ANKS3: variants seen among roughly 807,000 people sequenced by gnomAD.
ANKS3 encodes ankyrin repeat and SAM domain-containing protein 3.
Under a neutral mutation model 80.7 loss-of-function variants are expected in ANKS3, and 62 were observed. The observed-to-expected ratio is 0.77, with a 90% CI of 0.63 to 0.95. The LOEUF is 0.95. Among genes scored for constraint, ANKS3 ranks in the 40% least tolerant of loss-of-function variants. The pLI, the probability that ANKS3 is intolerant of heterozygous loss-of-function variation, is 0.00. For synonymous variants in ANKS3, 489 were observed against 355.3 expected (o/e 1.38, Z -4.23); for missense variants, 1,150 against 883.6 (o/e 1.30, Z -3.82).
intron 4 of ANKS3, 78 bp downstream of exon 4, chr16:4,726,901 C>A (rs2081382609): frequency 1.2e-6 from 2 of 1,604,594 alleles, no homozygotes; most frequent in Non-Finnish European, 1.7e-6. Flanking sequence ...AACACCGTGG[C>A]CTGCAGTGGT....
intron 1 of ANKS3, among the ~76,000 whole-genome samples, 151 bp downstream of exon 1, chr16:4,733,787 C>G (rs541558706): frequency 6.6e-6 from 1 of 152,236 alleles, no homozygotes; most frequent in South Asian, 2.1e-4. Flanking sequence ...TTTTAAAAAT[C>G]TTAACAAATG....
intron 7 of ANKS3, 72 bp from the exon 8 acceptor site, chr16:4,705,325 G>C: frequency 6.5e-7 from 1 of 1,535,316 alleles, no homozygotes; most frequent in Non-Finnish European, 8.9e-7. Flanking sequence ...ACGGCAAACT[G>C]AAAGAAAGTG....
chr16:4,714,106 C>T lies in ANKS3; in HGVS notation c.654G>A (p.Val218=). ...LAKQYGHMKI[V]ALMDTYSPSL... Reference sequence around the variant, plus strand: ...AGGGCGAGTAAGTGTCCATCAAGGCCACGATCTTCATGTGTCCGTACTGCT... The same window carrying T: ...AGGGCGAGTAAGTGTCCATCAAGGCTACGATCTTCATGTGTCCGTACTGCT... Residue 218 remains valine, a synonymous_variant, in exon 7 of 18, where the codon GTG becomes GTA. Coordinates refer to ENST00000304283, the MANE Select transcript of ANKS3 (RefSeq NM_133450.4). 1 of 1,614,188 alleles carries T rather than the reference C, an allele frequency of 6.2e-7. No individual in the cohort carries two copies. The highest frequency in any genetic ancestry group is 8.5e-7 in the Non-Finnish European group (1 of 1,180,044).
Position 4,733,922 on chromosome 16 carries a change from C to CA in ANKS3, c.-71+15dup. On this transcript the variant is annotated intron_variant, in intron 1 of 17. Transcript: ENST00000304283. Reference sequence around the variant, plus strand: ...GGCCCCGGGGCGGGTCCCTGGCCGACAAACCCGTAACTCACAGCAGTGACG... The same window carrying CA: ...GGCCCCGGGGCGGGTCCCTGGCCGACAAAACCCGTAACTCACAGCAGTGACG... 1.0e-6 allele frequency: 1 copy of CA among 985,500 alleles called. No homozygotes were observed. The highest frequency in any genetic ancestry group is 1.2e-6 in the Non-Finnish European group (1 of 829,976). 61.0% of individuals were successfully genotyped at this position (985,500 alleles called of 1,614,324 possible). A position where few individuals can be genotyped will look rare whatever the true frequency, so the allele number is the denominator to read the frequency against.
At position 4,705,246 on chromosome 16, in the gene ANKS3, G is replaced by A. The variant is rs34023876; in HGVS notation, c.717C>T (p.Tyr239=). 4.4e-5 allele frequency: 71 copies of A among 1,613,672 alleles called. No individual in the cohort carries two copies. The South Asian group carries it at 5.2e-4, about 12-fold the overall frequency. ...ACTCGTCAGAAGAGCTCAGATCTTC[G>A]TACTTTTCTGTGATCAAACACCAAG... ...PKSLYRSPEK[Y]EDLSSSDESC... is the part of the protein sequence containing the mutation. Residue 239 remains tyrosine, a synonymous_variant, in exon 8 of 18, where the codon TAC becomes TAT. Transcript: ENST00000304283.
At chr16:4,728,401 G>A (rs917908319) in intron 3 of ANKS3, among the ~76,000 whole-genome samples, 2 of 152,148 alleles carry the variant, frequency 1.3e-5, no homozygotes, top group East Asian at 1.9e-4. Flanking sequence ...GCAGCCCTCA[G>A]TGACTCTGGG....
intron 1 of ANKS3, among the ~76,000 whole-genome samples, chr16:4,732,714 A>T (rs2081708857): frequency 6.6e-6 from 1 of 151,836 alleles, no homozygotes; most frequent in Non-Finnish European, 1.5e-5. Flanking sequence ...TAAAGTGAAA[A>T]CTAAAATGTC....
At chr16:4,715,540 G>A (rs1208266573) in intron 6 of ANKS3, among the ~76,000 whole-genome samples, 12 of 152,152 alleles carry the variant, frequency 7.9e-5, no homozygotes, top group Admixed American at 7.2e-4. Context: ...ACGCTGCAGC[G>A]AGCTGAGATC....
chr16:4,717,857 G>A (rs1386018968), intron 6 of ANKS3, among the ~76,000 whole-genome samples: 1 of 151,648 alleles, frequency 6.6e-6, no homozygotes. Flanking sequence ...GTGCAATGGC[G>A]CAATCTCGGC....
At chr16:4,703,317 T>C (rs1460190892) in intron 8 of ANKS3, among the ~76,000 whole-genome samples, 1 of 152,180 alleles carries the variant, frequency 6.6e-6, no homozygotes, top group East Asian at 1.9e-4. Flanking sequence ...TCTTGCTACA[T>C]TGCCCAGGCT....
At chr16:4,725,784 C>A (rs1424965131) in intron 5 of ANKS3, among the ~76,000 whole-genome samples, 1 of 152,052 alleles carries the variant, frequency 6.6e-6, no homozygotes, top group East Asian at 1.9e-4. Flanking sequence ...CTCAGACTCC[C>A]GAGTAGCTGG....
chr16:4,698,975 C>A lies in ANKS3; in HGVS notation c.1410-34G>T, dbSNP rs772675026. On this transcript the variant is annotated intron_variant, in intron 12 of 17. Coordinates refer to ENST00000304283, the MANE Select transcript of ANKS3 (RefSeq NM_133450.4). ...GGAATGTGACCAGGATATGCCTCAG[C>A]GTCCCAAGAGCGCTTACATGAGTGG... The A allele has an allele frequency of 5.0e-6, 8 of 1,612,330 alleles. No individual in the cohort carries two copies. In the African/African-American group the frequency reaches 9.3e-5, roughly 19 times the overall value.
chr16:4,698,802 T>C lies in ANKS3; in HGVS notation c.1549A>G (p.Lys517Glu). 2 of 1,605,022 alleles carry C rather than the reference T, an allele frequency of 1.2e-6. No individual in the cohort carries two copies. Among genetic ancestry groups the C allele is most frequent in the Non-Finnish European group, 1.7e-6 (2 of 1,175,930 alleles). Residue 517 changes from lysine to glutamate, a missense_variant and splice_region_variant, in exon 13 of 18, where the codon AAG becomes GAG. By Grantham distance (56) the Lys-to-Glu change is moderately conservative. Transcript: ENST00000304283. ...CCATCCCCCACCCAGCCACTCACCT[T>C]GTGCAGCTGGATGGCGAGCTCCTGC... ...EMQELAIQLH[K>E]RCEEVEATRG...
At chr16:4,697,845 T>C in intron 15 of ANKS3, 132 bp downstream of exon 15, 1 of 866,208 alleles carries the variant, frequency 1.2e-6, no homozygotes, top group Non-Finnish European at 1.7e-6. Context: ...GACTCTGGGA[T>C]CATGTGCACA....
intron 6 of ANKS3, among the ~76,000 whole-genome samples, chr16:4,720,637 C>T (rs1378477827): frequency 6.6e-6 from 1 of 151,166 alleles, no homozygotes; most frequent in African/African-American, 2.4e-5. Flanking sequence ...CTTAAAAAGA[C>T]GTGTAAGAAA....
Position 4,698,037 on chromosome 16 carries a change from G to T in ANKS3, c.1750C>A (p.Arg584=), listed in dbSNP as rs747472306. 6.3e-5 allele frequency: 101 copies of T among 1,609,584 alleles called. 1 individual carries two copies. The Admixed American group carries it at 1.6e-3, about 26-fold the overall frequency. ...CCAGGGGGCTGGTCCTGCCTCACTC[G>T]AGATGACAGCTCAGCTTGACAGGCT... ...LRACQAELSS[R]VRQDQPPGAA... is the part of the protein sequence containing the mutation. The change falls in exon 15 of 18, where the codon CGA becomes AGA. Residue 584 remains arginine, a synonymous_variant. Transcript: ENST00000304283.
At chr16:4,698,310 C>G (rs2079693593) in intron 14 of ANKS3, 117 bp downstream of exon 14, 1 of 1,370,208 alleles carries the variant, frequency 7.3e-7, no homozygotes, top group Non-Finnish European at 9.6e-7. Flanking sequence ...TGGGGTGGCT[C>G]CAGACCCTGA....
At chr16:4,725,577 G>A (rs940310668) in intron 5 of ANKS3, among the ~76,000 whole-genome samples, 10 of 152,296 alleles carry the variant, frequency 6.6e-5, no homozygotes, top group Admixed American at 1.3e-4. Context: ...ATTGGTACCC[G>A]CTGCGTTTGT....
At chr16:4,724,205 CATTAA>C (rs2081243963) in intron 6 of ANKS3, among the ~76,000 whole-genome samples, 1 of 152,176 alleles carries the variant, frequency 6.6e-6, no homozygotes, top group South Asian at 2.1e-4. Context: ...ATAAGAAACT[CATTAA>C]ATTAACTGAG....
Sources: allele counts gnomAD v4.1 joint callset (sites outside exome capture counted in the v4.1 genomes callset), GRCh38; gene constraint gnomAD v4.1.1; transcripts MANE v1.5; gene names NCBI Gene and HGNC (gene_info 2026-07-23, HGNC 2026-07-21).